The following SCGB2B2 variants were observed in gnomAD, a reference collection of about 807,000 sequenced individuals.
The protein encoded by SCGB2B2 is secretoglobin-like protein.
In SCGB2B2, 11 loss-of-function variants were observed where a neutral mutation model predicts 7.6. The ratio of observed to expected loss-of-function variants is 1.45; its 90% confidence interval spans 0.91 to 2.40. SCGB2B2 has a LOEUF of 2.40. Ranked by LOEUF, SCGB2B2 falls within the 30% of genes most tolerant of loss-of-function variation. SCGB2B2 has a pLI of 0.00. For missense variants in SCGB2B2, 104 were observed against 115.4 expected (o/e 0.90, Z 0.45); for synonymous variants, 50 against 48.6 (o/e 1.03, Z -0.12).
intron 1 of SCGB2B2, among the ~76,000 whole-genome samples, chr19:34,674,149 C>T (rs1312013684): frequency 6.6e-6 from 1 of 152,176 alleles, no homozygotes; most frequent in Non-Finnish European, 1.5e-5. Flanking sequence ...CATAATTCTT[C>T]CAGTGAGATC....
At chr19:34,626,595 A>G (rs2066384934) in intron 1 of SCGB2B2, among the ~76,000 whole-genome samples, 1 of 152,356 alleles carries the variant, frequency 6.6e-6, no homozygotes, top group South Asian at 2.1e-4. Context: ...CCTCCAAGAA[A>G]TATGGGACCA....
intron 1 of SCGB2B2, among the ~76,000 whole-genome samples, chr19:34,631,308 T>G (rs965809040): frequency 4.5e-5 from 6 of 133,056 alleles, no homozygotes; most frequent in African/African-American, 1.6e-4. Flanking sequence ...ATTATGAGTT[T>G]TTTTTTTTTA....
intron 1 of SCGB2B2, among the ~76,000 whole-genome samples, chr19:34,603,529 A>G (rs907011401): frequency 6.6e-6 from 1 of 152,236 alleles, no homozygotes; most frequent in Middle Eastern, 3.4e-3. Context: ...ACAATAAACA[A>G]TGCCTGAAAT....
intron 1 of SCGB2B2, among the ~76,000 whole-genome samples, chr19:34,673,904 C>G (rs543185801): frequency 1.3e-5 from 2 of 152,212 alleles, no homozygotes; most frequent in East Asian, 1.9e-4. Flanking sequence ...CTCTGGCTCT[C>G]TTATACTCCT....
At chr19:34,604,114 C>G (rs2065710655) in intron 1 of SCGB2B2, among the ~76,000 whole-genome samples, 1 of 152,030 alleles carries the variant, frequency 6.6e-6, no homozygotes, top group Admixed American at 6.6e-5. Flanking sequence ...TATTGCCAGA[C>G]AGTCTTTTAC....
intron 1 of SCGB2B2, among the ~76,000 whole-genome samples, chr19:34,611,449 TAC>T (rs1182056521): frequency 6.6e-6 from 1 of 152,104 alleles, no homozygotes; most frequent in Non-Finnish European, 1.5e-5. Flanking sequence ...TGTGAGTACT[TAC>T]TATTAAACTT....
chr19:34,654,372 G>C (rs2067232831), intron 1 of SCGB2B2, among the ~76,000 whole-genome samples: 1 of 151,104 alleles, frequency 6.6e-6, no homozygotes, highest in South Asian at 2.1e-4. Context: ...ATCAGGCTAG[G>C]ATAGAGGAGC....
intron 1 of SCGB2B2, among the ~76,000 whole-genome samples, chr19:34,669,716 C>CACACACACACACACACACACACACACAA (rs2146199860): frequency 6.6e-6 from 1 of 152,014 alleles, no homozygotes; most frequent in South Asian, 2.1e-4. Flanking sequence ...CCCCCACTTA[C>CACACACACACACACACACACACACACAA]ACACACACAC....
At chr19:34,671,173 C>T (rs565934014) in intron 1 of SCGB2B2, among the ~76,000 whole-genome samples, 71 of 152,314 alleles carry the variant, frequency 4.7e-4, no homozygotes, top group African/African-American at 1.7e-3. Context: ...CTTGGCCTCC[C>T]AAAGTGCTGG....
chr19:34,663,558 A>G (rs879501814), intron 1 of SCGB2B2, among the ~76,000 whole-genome samples: 2 of 152,202 alleles, frequency 1.3e-5, no homozygotes, highest in African/African-American at 4.8e-5. Context: ...ATAACAGAAA[A>G]CCACAAAGTC....
Position 34,594,479 on chromosome 19 carries a change from C to T in SCGB2B2, c.61+24G>A, listed in dbSNP as rs2065386820. On this transcript the variant is annotated intron_variant, in intron 2 of 3. Transcript: ENST00000601241. ...AAGGAGCAGGGCCACCGCTTCCTCC[C>T]AGCCCTGCTCGCCTCTTTCTTACCC... 1.9e-6 allele frequency: 3 copies of T among 1,612,438 alleles called. No individual in the cohort carries two copies. In the African/African-American group the frequency reaches 4.0e-5, roughly 21 times the overall value.
At chr19:34,625,290 C>T (rs540505272) in intron 1 of SCGB2B2, among the ~76,000 whole-genome samples, 18 of 152,266 alleles carry the variant, frequency 1.2e-4, no homozygotes, top group East Asian at 3.9e-4. Flanking sequence ...GTGGGTGCAG[C>T]GCACCGAGTG....
At chr19:34,673,305 T>A (rs1193269639) in intron 1 of SCGB2B2, among the ~76,000 whole-genome samples, 1 of 152,180 alleles carries the variant, frequency 6.6e-6, no homozygotes, top group African/African-American at 2.4e-5. Context: ...TGCCTATGAT[T>A]CTCTCTACCT....
intron 1 of SCGB2B2, among the ~76,000 whole-genome samples, chr19:34,658,725 G>A (rs553987015): frequency 1.4e-4 from 21 of 147,928 alleles, no homozygotes; most frequent in African/African-American, 4.8e-4. Context: ...AACAGAAAAA[G>A]AGGGAATCCT....
At chr19:34,586,307 A>T (rs938233615), downstream of SCGB2B2, among the ~76,000 whole-genome samples, 2 of 152,194 alleles carry the variant, frequency 1.3e-5, no homozygotes, top group African/African-American at 2.4e-5. Flanking sequence ...TGTATATCTG[A>T]AGTACATAAT....
chr19:34,599,515 G>C (rs544358649), intron 1 of SCGB2B2, among the ~76,000 whole-genome samples: 4 of 152,322 alleles, frequency 2.6e-5, no homozygotes, highest in Admixed American at 1.3e-4. Context: ...AGCCAAGCAA[G>C]ACAGGTTTCC....
chr19:34,667,954 A>G (rs1365242608), intron 1 of SCGB2B2, among the ~76,000 whole-genome samples: 1 of 152,206 alleles, frequency 6.6e-6, no homozygotes, highest in Non-Finnish European at 1.5e-5. Context: ...CTTACCAATC[A>G]GGGTCCAGTC....
chr19:34,632,332 A>C (rs2066556897), intron 1 of SCGB2B2, among the ~76,000 whole-genome samples: 1 of 152,218 alleles, frequency 6.6e-6, no homozygotes, highest in African/African-American at 2.4e-5. Flanking sequence ...AAAGATCCAT[A>C]GGCTAGAAGA....
intron 1 of SCGB2B2, among the ~76,000 whole-genome samples, chr19:34,667,779 GA>G (rs754670558): frequency 6.6e-5 from 10 of 152,038 alleles, no homozygotes; most frequent in Non-Finnish European, 1.0e-4. Context: ...GGGATGGGGG[GA>G]GCCCACCCTG....
Sources: allele counts gnomAD v4.1 joint callset (sites outside exome capture counted in the v4.1 genomes callset), GRCh38; gene constraint gnomAD v4.1.1; transcripts MANE v1.5; gene names NCBI Gene and HGNC (gene_info 2026-07-23, HGNC 2026-07-21).